The following ACVR1C variants were observed in gnomAD, a reference collection of about 807,000 sequenced individuals.
ACVR1C encodes activin A receptor type 1C.
ACVR1C carries 23 observed loss-of-function variants against 57.9 expected under a neutral mutation model. That is an observed-to-expected ratio of 0.40 (90% confidence interval 0.29 to 0.56). The LOEUF (loss-of-function observed/expected upper bound fraction) is 0.56, where lower values mean the gene tolerates loss of function less well. Ranked by LOEUF, ACVR1C falls within the 20% of genes least tolerant of loss-of-function variation. ACVR1C has a pLI of 0.50. For synonymous variants in ACVR1C, 214 were observed against 215.3 expected, an observed-to-expected ratio of 0.99 and a Z score of 0.05; for missense variants, 480 against 607.9, an observed-to-expected ratio of 0.79 and a Z score of 2.21.
chr2:157,600,505 A>G (rs781745023), intron 1 of ACVR1C, among the ~76,000 whole-genome samples: 1 of 152,224 alleles, frequency 6.6e-6, no homozygotes, highest in African/African-American at 2.4e-5. Flanking sequence ...AAAAAGACAG[A>G]ACTATCTGTC....
At chr2:157,558,379 G>A (rs968838471) in intron 2 of ACVR1C, among the ~76,000 whole-genome samples, 6 of 152,128 alleles carry the variant, frequency 3.9e-5, no homozygotes, top group Admixed American at 6.5e-5. Context: ...TATCTTAGAC[G>A]TTCTTGCACT....
chr2:157,553,481 A>T (rs1687970742), intron 3 of ACVR1C, among the ~76,000 whole-genome samples: 1 of 152,138 alleles, frequency 6.6e-6, no homozygotes. Context: ...AGGTTTAAAC[A>T]TGCAAAAAAC....
Position 157,528,666 on chromosome 2 carries a change from T to TATGGGGC in ACVR1C, c.*5245_*5251dup, listed in dbSNP as rs1254390212. The stretch of plus-strand genomic sequence containing the variant: ...GCAGAAATAAATTTAACAATCACAT[T>TATGGGGC]ATGGGGCATATATTTCAAATTGTCT... On this transcript the variant is annotated 3_prime_UTR_variant, in exon 9 of 9. Coordinates refer to ENST00000243349, the MANE Select transcript of ACVR1C (RefSeq NM_145259.3). The TATGGGGC allele has an allele frequency of 1.3e-5, 2 of 152,150 alleles. No homozygotes were observed. The highest frequency in any genetic ancestry group is 2.4e-5 in the African/African-American group (1 of 41,454). 9.4% of individuals were successfully genotyped at this position (152,150 alleles called of 1,614,324 possible).
chr2:157,540,451 G>A (rs1687598670), intron 7 of ACVR1C, among the ~76,000 whole-genome samples: 2 of 151,478 alleles, frequency 1.3e-5, no homozygotes, highest in South Asian at 2.1e-4. Flanking sequence ...CACCATGCCC[G>A]GCATGCCTGG....
rs986595448 is a variant in ACVR1C at position 157,531,686 on chromosome 2, T to C, written c.*2232A>G. On this transcript the variant is annotated 3_prime_UTR_variant, in exon 9 of 9. Transcript: ENST00000243349. ...AAATTAGTAACAAGAACAAGCAAGATTACCCCTTCACATAGGCTCTTTTTA... is the reference window on the plus strand; with the variant it reads ...AAATTAGTAACAAGAACAAGCAAGACTACCCCTTCACATAGGCTCTTTTTA... 1.2e-4 allele frequency: 18 copies of C among 152,040 alleles called. No individual in the cohort carries two copies. The highest frequency in any genetic ancestry group is 4.3e-4 in the African/African-American group (18 of 41,420). The allele number at this position is 152,040 out of a possible 1,614,324, so 9.4% of individuals were successfully genotyped here.
intron 1 of ACVR1C, chr2:157,597,469 T>C (rs1487983664): frequency 6.1e-6 from 6 of 985,348 alleles, no homozygotes; most frequent in African/African-American, 5.2e-5. Context: ...GTCGCCGGGA[T>C]GCCCCAGCTT....
intron 1 of ACVR1C, among the ~76,000 whole-genome samples, chr2:157,593,410 T>C (rs1689087821): frequency 6.6e-6 from 1 of 152,204 alleles, no homozygotes; most frequent in Admixed American, 6.5e-5. Context: ...GTGCTTAACA[T>C]AAACATCTGA....
chr2:157,543,613 C>G (rs762942643), intron 5 of ACVR1C, among the ~76,000 whole-genome samples: 3 of 152,054 alleles, frequency 2.0e-5, no homozygotes, highest in African/African-American at 7.2e-5. Context: ...CCTTTGTAGT[C>G]CTCAATAATT....
intron 1 of ACVR1C, among the ~76,000 whole-genome samples, chr2:157,594,289 A>G (rs991087651): frequency 3.3e-5 from 5 of 152,082 alleles, no homozygotes; most frequent in Non-Finnish European, 5.9e-5. Flanking sequence ...CTGTAAAATG[A>G]GGAGGTCAAG....
intron 1 of ACVR1C, among the ~76,000 whole-genome samples, chr2:157,596,437 G>A (rs548404208): frequency 9.2e-5 from 14 of 152,092 alleles, no homozygotes; most frequent in Admixed American, 3.9e-4. Context: ...CATAACCCCC[G>A]AACCACTAAT....
chr2:157,612,712 C>T (rs979716854), intron 1 of ACVR1C, among the ~76,000 whole-genome samples: 3 of 152,202 alleles, frequency 2.0e-5, no homozygotes, highest in African/African-American at 7.2e-5. Flanking sequence ...GTGTGCTGCA[C>T]AGTTCCTTCC....
chr2:157,574,367 T>C (rs993573352), intron 2 of ACVR1C, among the ~76,000 whole-genome samples: 3 of 152,170 alleles, frequency 2.0e-5, no homozygotes, highest in African/African-American at 7.2e-5. Flanking sequence ...ATGAGGGCAC[T>C]AGTCTCATTC....
At chr2:157,621,929 G>A (rs189999376) in intron 1 of ACVR1C, among the ~76,000 whole-genome samples, 153 of 152,170 alleles carry the variant, frequency 1.0e-3, no homozygotes, top group African/African-American at 3.5e-3. Context: ...CCATGCTACT[G>A]GGGACAAAAG....
intron 6 of ACVR1C, among the ~76,000 whole-genome samples, chr2:157,542,497 G>C (rs558907332): frequency 1.3e-5 from 2 of 152,176 alleles, no homozygotes; most frequent in South Asian, 4.1e-4. Context: ...GTACCTAAAT[G>C]GCTGCAATCC....
At chr2:157,541,372 G>C (rs1332855832) in intron 6 of ACVR1C, among the ~76,000 whole-genome samples, 158 bp from the exon 7 acceptor site, 1 of 152,154 alleles carries the variant, frequency 6.6e-6, no homozygotes, top group Non-Finnish European at 1.5e-5. Context: ...CAACCATCAA[G>C]TGTGTTCAGC....
At chr2:157,586,430 T>C (rs914949052) in intron 2 of ACVR1C, among the ~76,000 whole-genome samples, 3 of 152,124 alleles carry the variant, frequency 2.0e-5, no homozygotes, top group Admixed American at 6.6e-5. Context: ...TCTGTATTGA[T>C]AATCATTAAA....
intron 4 of ACVR1C, among the ~76,000 whole-genome samples, chr2:157,548,632 A>C (rs1299233300): frequency 6.6e-6 from 1 of 151,840 alleles, no homozygotes; most frequent in Non-Finnish European, 1.5e-5. Flanking sequence ...CCACATATCT[A>C]CAACTATCTG....
intron 6 of ACVR1C, among the ~76,000 whole-genome samples, chr2:157,541,611 T>C (rs1430736140): frequency 2.0e-5 from 3 of 152,134 alleles, no homozygotes; most frequent in African/African-American, 7.2e-5. Context: ...GAATCCAGCA[T>C]CCAAGGCTTC....
chr2:157,597,249 G>T, intron 1 of ACVR1C: 1 of 745,620 alleles, frequency 1.3e-6, no homozygotes, highest in Non-Finnish European at 1.6e-6. Context: ...TTTGTCAACG[G>T]GTTTGGTAAC....
Sources: allele counts gnomAD v4.1 joint callset (sites outside exome capture counted in the v4.1 genomes callset), GRCh38; gene constraint gnomAD v4.1.1; transcripts MANE v1.5; gene names NCBI Gene and HGNC (gene_info 2026-07-23, HGNC 2026-07-21).